USP35: variants seen among roughly 807,000 people sequenced by gnomAD.
The protein encoded by USP35 is ubiquitin specific peptidase 35.
USP35 carries 69 observed loss-of-function variants against 83.8 expected under a neutral mutation model. The observed-to-expected ratio is 0.82, with a 90% CI of 0.68 to 1.01. The LOEUF (loss-of-function observed/expected upper bound fraction) is 1.01. Among genes scored for constraint, USP35 ranks in the 50% least tolerant of loss-of-function variants. The pLI, the probability that USP35 is intolerant of heterozygous loss-of-function variation, is 0.00. For missense variants in USP35, 1,503 were observed against 1,362.5 expected, an observed-to-expected ratio of 1.10 and a Z score of -1.62; for synonymous variants, 714 against 589.5, an observed-to-expected ratio of 1.21 and a Z score of -3.06.
Position 78,196,963 on chromosome 11 carries a change from G to C in USP35, c.673+45G>C. On this transcript the variant is annotated intron_variant, in intron 2 of 10. Coordinates refer to ENST00000529308, the MANE Select transcript of USP35 (RefSeq NM_020798.4). This position sits in a 1 kb window ranked among gnomAD's most constrained non-coding sequence, Gnocchi z 4.8. ...AGGAGCGCGGGCATGCGGAGGTCCT[G>C]GGTGGGCGCTTGGGTAGGTGGCTGT... 1.4e-6 allele frequency: 2 copies of C among 1,427,896 alleles called. No individual in the cohort carries two copies. Among genetic ancestry groups the C allele is most frequent in the Non-Finnish European group, 1.8e-6 (2 of 1,095,812 alleles). The allele number at this position is 1,427,896 out of a possible 1,614,324, so 88.5% of individuals were successfully genotyped here.
At position 78,210,514 on chromosome 11, in the gene USP35, G is replaced by C. The variant is rs780745175; in HGVS notation, c.2659G>C (p.Glu887Gln). ...GGGAACTGCCGATAGGCCAGAGCCC[G>C]AGAACCAGTGGTACCTGTTCAATGA... ...SLGTADRPEP[E>Q]NQWYLFNDTR... is the part of the protein sequence containing the mutation. The change falls in exon 10 of 11, where the codon GAG (glutamate) becomes CAG (glutamine). Residue 887 changes from glutamate to glutamine, a missense_variant. Physicochemically the swap from Glu to Gln is conservative, Grantham distance 29 (BLOSUM62 2). Coordinates refer to ENST00000529308, the MANE Select transcript of USP35 (RefSeq NM_020798.4). The C allele has an allele frequency of 1.2e-6, 2 of 1,613,894 alleles. No individual in the cohort carries two copies. Among genetic ancestry groups the C allele is most frequent in the South Asian group, 2.2e-5 (2 of 91,080 alleles).
chr11:78,209,159 T>C (rs937595957), intron 9 of USP35, among the ~76,000 whole-genome samples, 196 bp downstream of exon 9: 1 of 152,152 alleles, frequency 6.6e-6, no homozygotes, highest in Non-Finnish European at 1.5e-5. Context: ...GTGGAAGTGA[T>C]CTCTGGGAGG....
intron 10 of USP35, among the ~76,000 whole-genome samples, chr11:78,212,468 G>GTGAA (rs1863823916): frequency 6.6e-6 from 1 of 152,130 alleles, no homozygotes; most frequent in Non-Finnish European, 1.5e-5. Context: ...TTCTAATTCT[G>GTGAA]TGAATGTGAA....
In USP35 at chr11:78,197,955, C is replaced by G. The variant is rs552203038; in HGVS notation, c.693C>G (p.Ser231Arg). 6.2e-7 allele frequency: 1 copy of G among 1,614,162 alleles called. No individual in the cohort carries two copies. The highest frequency in any genetic ancestry group is 1.3e-5 in the African/African-American group (1 of 75,056). The change falls in exon 3 of 11, where the codon AGC becomes AGG. Residue 231 changes from serine to arginine, a missense_variant. Physicochemically the swap from Ser to Arg is moderately radical, Grantham distance 110. Coordinates refer to ENST00000529308, the MANE Select transcript of USP35 (RefSeq NM_020798.4). ...ISCAEEEPPS[S>R]ALASVVQHLP... ...TTCCAGAGGAGGAGCCACCATCTAG[C>G]GCCCTGGCCAGCGTGGTCCAGCACC...
chr11:78,207,565 A>G lies in USP35; in HGVS notation c.1427A>G (p.Asn476Ser), dbSNP rs1863570502. 6 of 1,614,052 alleles carry G rather than the reference A, an allele frequency of 3.7e-6. No homozygotes were observed. Among genetic ancestry groups the G allele is most frequent in the Non-Finnish European group, 5.1e-6 (6 of 1,180,002 alleles). Residue 476 changes from asparagine to serine, a missense_variant, in exon 8 of 11, where the codon AAC (asparagine) becomes AGC (serine). Transcript: ENST00000529308. The part of the protein sequence containing the change: ...RHCVLRLTEN[N>S]SQPLMTKLQW... The stretch of plus-strand genomic sequence containing the variant: ...TGTGTGCTCCGCTTGACTGAGAACA[A>G]CTCACAGCCCCTGATGACCAAGCTG...
chr11:78,200,862 G>T lies in USP35; in HGVS notation c.1197+54G>T, dbSNP rs1863333250. On this transcript the variant is annotated intron_variant, in intron 6 of 10. Coordinates refer to ENST00000529308, the MANE Select transcript of USP35 (RefSeq NM_020798.4). ...GCCCCACTCTGACAAAGGTACCAGT[G>T]TGGGCCTTCCAGCGGGCCATACCAC... 7 of 1,539,934 alleles carry T rather than the reference G, an allele frequency of 4.5e-6. No homozygotes were observed. In the South Asian group the frequency reaches 6.2e-5, roughly 14 times the overall value.
the USP35 span, among the ~76,000 whole-genome samples, chr11:78,221,152 T>C: frequency 6.6e-6 from 1 of 152,218 alleles, no homozygotes; most frequent in Non-Finnish European, 1.5e-5. Flanking sequence ...GATAGTCCTG[T>C]GTTCTGTTTG....
the USP35 span, among the ~76,000 whole-genome samples, chr11:78,232,212 A>C: frequency 5.3e-5 from 8 of 152,316 alleles, no homozygotes; most frequent in South Asian, 1.7e-3. Flanking sequence ...TGACATTTCT[A>C]ATTTTACCAT....
rs1488265449 is a variant in USP35, at chr11:78,196,145, C to T, written c.-10-91C>T. On this transcript the variant is annotated intron_variant, in intron 1 of 10. Transcript: ENST00000529308. This position sits in a 1 kb window ranked among gnomAD's most constrained non-coding sequence, Gnocchi z 4.8. ...ACTGAGGCCCAGAAAGTTTGAGTTG[C>T]TTGCCCTAAGTCTCAGCACTCGGGG... 7 of 1,446,702 alleles carry T rather than the reference C, an allele frequency of 4.8e-6. No individual in the cohort carries two copies. Among genetic ancestry groups the T allele is most frequent in the Admixed American group, 5.3e-5 (2 of 37,734 alleles). 89.6% of individuals were successfully genotyped at this position (1,446,702 alleles called of 1,614,324 possible).
chr11:78,199,797 G>A, intron 4 of USP35, 73 bp downstream of exon 4: 1 of 1,606,648 alleles, frequency 6.2e-7, no homozygotes, highest in Non-Finnish European at 8.5e-7. Context: ...TGCAGGTCTG[G>A]GAGGTCAGAG....
the USP35 span, among the ~76,000 whole-genome samples, chr11:78,227,600 G>A: frequency 1.5e-5 from 2 of 133,980 alleles, no homozygotes; most frequent in East Asian, 2.5e-4. Flanking sequence ...TTCAAGACCA[G>A]CCTGGGAACA....
At chr11:78,203,237 G>A (rs896390212) in intron 6 of USP35, among the ~76,000 whole-genome samples, 1 of 152,200 alleles carries the variant, frequency 6.6e-6, no homozygotes, top group African/African-American at 2.4e-5. Context: ...TCATAGAGAA[G>A]GGATACAGGA....
chr11:78,212,460 C>CTAAT (rs1863823324), intron 10 of USP35, among the ~76,000 whole-genome samples: 1 of 149,182 alleles, frequency 6.7e-6, no homozygotes, highest in East Asian at 2.0e-4. Context: ...ATAGTTTTTT[C>CTAAT]TAATTCTGTG....
chr11:78,220,953 T>A, the USP35 span, among the ~76,000 whole-genome samples: 1 of 152,168 alleles, frequency 6.6e-6, no homozygotes, highest in Non-Finnish European at 1.5e-5. Context: ...AGTGGGGTAG[T>A]CACCCCAAAG....
In USP35 at chr11:78,190,984, G is replaced by A. The variant is rs551278328; in HGVS notation, c.-11+1827G>A. ...GCTCAGGAGTTTGGACCTTATTCTG[G>A]GTCCAAGGGGCTGGAGAGTGTTGAG... On this transcript the variant is annotated intron_variant, in intron 1 of 10. Coordinates refer to ENST00000529308, the MANE Select transcript of USP35 (RefSeq NM_020798.4). 2.6e-5 allele frequency among the ~76,000 whole-genome samples: 4 copies of A among 152,294 alleles called. No homozygotes were observed. The South Asian group carries it at 6.2e-4, about 24-fold the overall frequency.
Position 78,214,371 on chromosome 11 carries a change from ATGGTTT to A in USP35, c.*562_*567del, listed in dbSNP as rs1485155416. The A allele has an allele frequency of 1.7e-4, 2 of 11,734 alleles. No individual in the cohort carries two copies. Among genetic ancestry groups the A allele is most frequent in the Non-Finnish European group, 4.7e-4 (2 of 4,238 alleles). The allele number at this position is 11,734 out of a possible 1,614,324, so 0.7% of individuals were successfully genotyped here. A position where few individuals can be genotyped will look rare whatever the true frequency, so the allele number is the denominator to read the frequency against. ...CTGCCCCCTTACCAAGCGCCACTGCATGGTTTTGGGGGGGGGGGCGGGGGGCTAGCT... is the reference window on the plus strand; with the variant it reads ...CTGCCCCCTTACCAAGCGCCACTGCATGGGGGGGGGGGCGGGGGGCTAGCT... On this transcript the variant is annotated 3_prime_UTR_variant, in exon 11 of 11. Coordinates refer to ENST00000529308, the MANE Select transcript of USP35 (RefSeq NM_020798.4).
rs139124557 is a variant in USP35 at position 78,214,237 on chromosome 11, GGT to G, written c.*426_*427del. 0.2 allele frequency: 28,229 copies of G among 142,286 alleles called. 3,043 individuals are homozygous for G. Among genetic ancestry groups the G allele is most frequent in the East Asian group, 0.34 (1,570 of 4,600 alleles). The allele number at this position is 142,286 out of a possible 1,614,324, so 8.8% of individuals were successfully genotyped here. A position where few individuals can be genotyped will look rare whatever the true frequency, so the allele number is the denominator to read the frequency against. On this transcript the variant is annotated 3_prime_UTR_variant, in exon 11 of 11. Transcript: ENST00000529308. ...GCAGGATCCAAGCCTTGCACAAAGG[GGT>G]GGGGGGGGCAGTGTCTCCTCTGGCT...
At chr11:78,219,424 A>G (rs748340571), downstream of USP35, 1 of 1,613,490 alleles carries the variant, frequency 6.2e-7, no homozygotes, top group Admixed American at 1.7e-5. Context: ...GGCTGAGGGG[A>G]CAGAGTGGGA....
At chr11:78,215,899 G>C (rs994876210), downstream of USP35, 1 of 152,716 alleles carries the variant, frequency 6.5e-6, no homozygotes, top group Non-Finnish European at 1.5e-5. Flanking sequence ...CCCCATGGGA[G>C]AAGGGGCCAG....
Sources: gnomAD v4.1 joint callset for allele counts (sites outside exome capture counted in the v4.1 genomes callset) on GRCh38, gnomAD v4.1.1 for gene constraint, Gnocchi (gnomAD v3.1) non-coding constraint, MANE v1.5 for transcripts, NCBI Gene and HGNC (gene_info 2026-07-23, HGNC 2026-07-21) for gene names.